Variants in DNHD1 observed in about 807,000 individuals in gnomAD.
DNHD1 encodes dynein heavy chain domain 1, also known as dynein heavy chain domain-containing protein 1.
In DNHD1, 383 loss-of-function variants were observed where a neutral mutation model predicts 458.1. The observed-to-expected ratio is 0.84, with a 90% confidence interval of 0.77 to 0.91. The LOEUF (loss-of-function observed/expected upper bound fraction) is 0.91. DNHD1 is among the 40% of genes least tolerant of loss of function. The pLI, the probability that DNHD1 is intolerant of heterozygous loss-of-function variation, is 0.00. For missense variants in DNHD1, 5,336 were observed against 5,866.1 expected (o/e 0.91, Z 2.95); for synonymous variants, 2,203 against 2,376.9 (o/e 0.93, Z 2.13).
chr11:6,536,215 C>T (rs544132507), intron 14 of DNHD1, among the ~76,000 whole-genome samples: 2 of 152,128 alleles, frequency 1.3e-5, no homozygotes, highest in Non-Finnish European at 2.9e-5. Flanking sequence ...GGAAATGTTC[C>T]AGATTAAAAG....
chr11:6,555,238 G>GTGTC (rs1554889369), intron 24 of DNHD1, among the ~76,000 whole-genome samples: 4 of 151,668 alleles, frequency 2.6e-5, no homozygotes, highest in Admixed American at 2.6e-4. Context: ...TTCTCTCTCT[G>GTGTC]TCTCTCTCAA....
chr11:6,543,820 A>C (rs1436764821), intron 18 of DNHD1, among the ~76,000 whole-genome samples: 2 of 151,958 alleles, frequency 1.3e-5, no homozygotes, highest in African/African-American at 4.8e-5. Context: ...AATTAGCCGG[A>C]CATGGTGGCA....
chr11:6,541,630 C>A (rs1180289623), intron 18 of DNHD1, among the ~76,000 whole-genome samples: 1 of 152,180 alleles, frequency 6.6e-6, no homozygotes, highest in Non-Finnish European at 1.5e-5. Context: ...AGGATCAGAT[C>A]ATGCAAAGTC....
Position 6,545,771 on chromosome 11 carries a change from C to T in DNHD1, c.4832C>T (p.Ser1611Leu), listed in dbSNP as rs562047716. The change falls in exon 21 of 43, where the codon TCA (serine) becomes TTA (leucine). Residue 1611 changes from serine to leucine, a missense_variant. By Grantham distance (145) the Ser-to-Leu change is moderately radical. Around this residue, in one of 4 missense-constraint regions of DNHD1, gnomAD observed 3,932 missense variants for 4,365.6 expected, o/e 0.90. Coordinates refer to ENST00000254579, the MANE Select transcript of DNHD1 (RefSeq NM_144666.3). This position sits in a 1 kb window ranked among gnomAD's most constrained non-coding sequence, Gnocchi z 4.9. ...CGCCAACTCAAGTATCACTTGGGTT[C>T]ACCTCACATAATCCCCAAAAGCCCC... ...WVRQLKYHLG[S>L]PHIIPKSPLQ... is the part of the protein sequence containing the mutation. 3.5e-5 allele frequency: 54 copies of T among 1,551,750 alleles called. No homozygotes were observed. In the African/African-American group the frequency reaches 5.9e-4, roughly 17 times the overall value.
chr11:6,529,530 GA>G (rs1852784065), intron 12 of DNHD1, among the ~76,000 whole-genome samples: 1 of 152,228 alleles, frequency 6.6e-6, no homozygotes, highest in South Asian at 2.1e-4. Context: ...TACTGGTAGT[GA>G]AAGAATGTAA....
intron 4 of DNHD1, chr11:6,503,645 G>A (rs558660124): frequency 6.6e-6 from 1 of 152,168 alleles, no homozygotes; most frequent in South Asian, 2.1e-4. Flanking sequence ...CACCACACTC[G>A]GCCAGTTTTC....
intron 18 of DNHD1, among the ~76,000 whole-genome samples, chr11:6,541,309 T>C (rs1853094443): frequency 1.3e-5 from 2 of 152,158 alleles, no homozygotes; most frequent in African/African-American, 2.4e-5. Flanking sequence ...ACAGCAACTT[T>C]CCCCCCACCA....
rs755618176 is a variant in DNHD1 at position 6,502,902 on chromosome 11, A to T, written c.896A>T (p.Asn299Ile). The change falls in exon 4 of 43, where the codon AAT (asparagine) becomes ATT (isoleucine). Residue 299 changes from asparagine (N) to isoleucine (I), a missense_variant. Coordinates refer to ENST00000254579, the MANE Select transcript of DNHD1 (RefSeq NM_144666.3). ...AAGAAGATCCACTTCCTCTATCTCA[A>T]TGTGGCTCCCAGCCGGTACTTTAGG... is the stretch of plus-strand genomic sequence containing the variant. Reference protein sequence around the residue: ...YLKKIHFLYLNVAPSRYFRPY... With the variant: ...YLKKIHFLYLIVAPSRYFRPY... 9.3e-6 allele frequency: 15 copies of T among 1,613,750 alleles called. No homozygotes were observed. The highest frequency in any genetic ancestry group is 1.7e-5 in the Admixed American group (1 of 59,976).
chr11:6,512,556 A>G (rs1309898555), intron 7 of DNHD1, among the ~76,000 whole-genome samples: 1 of 152,182 alleles, frequency 6.6e-6, no homozygotes, highest in African/African-American at 2.4e-5. Context: ...GGAGGAACCA[A>G]TAACTTCTGT....
rs1853154199 is a variant in DNHD1, at chr11:6,544,008, G to A, written c.3629-113G>A. 4 of 765,616 alleles carry A rather than the reference G, an allele frequency of 5.2e-6. No homozygotes were observed. In the Admixed American group the frequency reaches 8.8e-5, roughly 17 times the overall value. The allele number at this position is 765,616 out of a possible 1,614,324, so 47.4% of individuals were successfully genotyped here. A position where few individuals can be genotyped will look rare whatever the true frequency, so the allele number is the denominator to read the frequency against. On this transcript the variant is annotated intron_variant, in intron 18 of 42. Transcript: ENST00000254579. The stretch of plus-strand genomic sequence containing the variant: ...AAAGGGAAAGAAAAAGACAGAAAGG[G>A]CATCAGGGTCTCTGTAACTGCCTCT...
intron 16 of DNHD1, 82 bp downstream of exon 16, chr11:6,538,892 C>T: frequency 1.5e-6 from 2 of 1,300,724 alleles, no homozygotes; most frequent in Non-Finnish European, 2.1e-6. Context: ...TCCTGCTGCT[C>T]CTGCTGGAAA....
At chr11:6,539,103 G>A (rs946330119) in intron 16 of DNHD1, 116 bp from the exon 17 acceptor site, 6 of 734,558 alleles carry the variant, frequency 8.2e-6, no homozygotes, top group African/African-American at 1.8e-5. Context: ...TGTGCTCTGA[G>A]ATCTGCTATC....
In DNHD1 at chr11:6,564,039, G is replaced by C; in HGVS notation, c.10199G>C (p.Ser3400Thr). 1 of 1,551,712 alleles carries C rather than the reference G, an allele frequency of 6.4e-7. No individual in the cohort carries two copies. The highest frequency in any genetic ancestry group is 8.7e-7 in the Non-Finnish European group (1 of 1,146,998). The part of the protein sequence containing the change: ...ASHNCVAKTL[S>T]QAQCGQYHKW... ...CACAACTGCGTGGCAAAGACCCTCAGTCAAGCACAGTGTGGGCAGTATCAC... is the reference window on the plus strand; with the variant it reads ...CACAACTGCGTGGCAAAGACCCTCACTCAAGCACAGTGTGGGCAGTATCAC... Residue 3400 changes from serine (S) to threonine (T), a missense_variant, in exon 31 of 43, where the codon AGT (serine) becomes ACT (threonine). Ser to Thr is a moderately conservative substitution (Grantham distance 58). This residue lies in a region of DNHD1 where 3,932 missense variants were observed against 4,365.6 expected (regional missense o/e 0.90). Transcript: ENST00000254579.
chr11:6,529,597 C>G (rs1008449867), intron 12 of DNHD1, among the ~76,000 whole-genome samples: 1 of 152,194 alleles, frequency 6.6e-6, no homozygotes, highest in Non-Finnish European at 1.5e-5. Flanking sequence ...TGGTCTGATT[C>G]AGTCTATTTG....
intron 24 of DNHD1, among the ~76,000 whole-genome samples, chr11:6,549,385 C>A (rs1193907544): frequency 6.6e-6 from 1 of 152,228 alleles, no homozygotes; most frequent in African/African-American, 2.4e-5. Context: ...CTACCTCCTT[C>A]ATATTTCTTG....
Position 6,511,449 on chromosome 11 carries a change from T to C in DNHD1, c.1392+20T>C, listed in dbSNP as rs1422906146. 12 of 1,609,468 alleles carry C rather than the reference T, an allele frequency of 7.5e-6. No individual in the cohort carries two copies. In the South Asian group the frequency reaches 1.3e-4, roughly 18 times the overall value. On this transcript the variant is annotated intron_variant, in intron 7 of 42. Coordinates refer to ENST00000254579, the MANE Select transcript of DNHD1 (RefSeq NM_144666.3). ...CGACTGGTAAGAGGCTCTTAGTTTA[T>C]TGTGGACCTCTTCCCCAAGTTGAGC...
Position 6,566,696 on chromosome 11 carries a change from A to C in DNHD1, c.11316A>C (p.Glu3772Asp), listed in dbSNP as rs755440310. ...AAATCTTGTGCAGAGAGTATCCTGA[A>C]CTCGAGACCCGCTGGCAGGACCTAA... ...LHEILCREYP[E>D]LETRWQDLKI... Residue 3772 changes from glutamate (E) to aspartate (D), a missense_variant, in exon 35 of 43, where the codon GAA becomes GAC. Coordinates refer to ENST00000254579, the MANE Select transcript of DNHD1 (RefSeq NM_144666.3). The C allele has an allele frequency of 1.9e-6, 3 of 1,612,958 alleles. No homozygotes were observed. In the South Asian group the frequency reaches 3.3e-5, roughly 18 times the overall value.
chr11:6,547,793 C>A, intron 21 of DNHD1, 70 bp from the exon 22 acceptor site: 1 of 1,535,214 alleles, frequency 6.5e-7, no homozygotes, highest in Non-Finnish European at 8.8e-7. Context: ...TACTGTCAAC[C>A]TTTTTTCTTT....
rs1482966272 is a variant in DNHD1, at chr11:6,564,671, G to C, written c.10623G>C (p.Leu3541=). 3.9e-6 allele frequency: 6 copies of C among 1,551,616 alleles called. No individual in the cohort carries two copies. Among genetic ancestry groups the C allele is most frequent in the Admixed American group, 3.9e-5 (2 of 50,988 alleles). Residue 3541 remains leucine, a synonymous_variant, in exon 32 of 43, where the codon CTG becomes CTC. Coordinates refer to ENST00000254579, the MANE Select transcript of DNHD1 (RefSeq NM_144666.3). ...CGGCCCACCTGGCAGGCTTGCTTCT[G>C]CGAAGCCCCACACACTACAGTAGTT... ...AKSAHLAGLL[L]RSPTHYSSCR...
Sources: allele counts gnomAD v4.1 joint callset (sites outside exome capture counted in the v4.1 genomes callset), GRCh38; gene constraint gnomAD v4.1.1; regional missense constraint gnomAD v4.1.1; non-coding constraint Gnocchi (gnomAD v3.1); transcripts MANE v1.5; gene names NCBI Gene and HGNC (gene_info 2026-07-23, HGNC 2026-07-21).